The following MED9 variants were observed in gnomAD, a reference collection of about 807,000 sequenced individuals.
MED9 encodes the protein mediator of RNA polymerase II transcription subunit 9.
Under a neutral mutation model 13.2 loss-of-function variants are expected in MED9, and 8 were observed. The ratio of observed to expected loss-of-function variants is 0.61; its 90% CI spans 0.36 to 1.10. MED9 has a LOEUF of 1.10. Among genes scored for constraint, MED9 ranks in the 50% least tolerant of loss-of-function variants. The pLI, the probability that MED9 is intolerant of heterozygous loss-of-function variation, is 0.02. For missense variants in MED9, 180 were observed against 193.4 expected (o/e 0.93, Z 0.41); for synonymous variants, 87 against 82.8 (o/e 1.05, Z -0.28).
At chr17:17,479,867 A>G (rs1043341317) in intron 1 of MED9, among the ~76,000 whole-genome samples, 4 of 152,194 alleles carry the variant, frequency 2.6e-5, no homozygotes, top group African/African-American at 9.6e-5. Flanking sequence ...GTGGATGACC[A>G]GGGCTAATTC....
chr17:17,484,800 C>T (rs940407989), intron 1 of MED9, among the ~76,000 whole-genome samples: 1 of 152,210 alleles, frequency 6.6e-6, no homozygotes, highest in African/African-American at 2.4e-5. Flanking sequence ...GAGGCAAGCC[C>T]CACGAAGGCA....
rs1198072138 is a variant in MED9 at position 17,491,648 on chromosome 17, C to T, written c.*153C>T. On this transcript the variant is annotated 3_prime_UTR_variant, in exon 2 of 2. Transcript: ENST00000268711. ...CTCCTGTGCTGCTGCGCGCGCTTCG[C>T]CTGTGCGGGAGCCAGCGCAGAGCTT... 2.2e-5 allele frequency: 16 copies of T among 743,806 alleles called. No homozygotes were observed. Among genetic ancestry groups the T allele is most frequent in the East Asian group, 8.1e-5 (3 of 37,176 alleles). 46.1% of individuals were successfully genotyped at this position (743,806 alleles called of 1,614,324 possible).
rs1306303744 is a variant in MED9 at position 17,483,100 on chromosome 17, G to A, written c.224+5835G>A. On this transcript the variant is annotated intron_variant, in intron 1 of 1. Coordinates refer to ENST00000268711, the MANE Select transcript of MED9 (RefSeq NM_018019.3). This position sits in a 1 kb window ranked among gnomAD's most constrained non-coding sequence, Gnocchi z 4.2. Reference sequence around the variant, plus strand: ...GCTAGATCATGATGCTTTTGTTAATGGAACATTTCGTCTTTAATCTGCTTC... The same window carrying A: ...GCTAGATCATGATGCTTTTGTTAATAGAACATTTCGTCTTTAATCTGCTTC... 1.3e-5 allele frequency among the ~76,000 whole-genome samples: 2 copies of A among 152,206 alleles called. No homozygotes were observed. Among genetic ancestry groups the A allele is most frequent in the East Asian group, 3.9e-4 (2 of 5,188 alleles).
intron 1 of MED9, among the ~76,000 whole-genome samples, chr17:17,481,637 C>T (rs559206775): frequency 6.6e-6 from 1 of 152,264 alleles, no homozygotes; most frequent in East Asian, 1.9e-4. Flanking sequence ...AAAGATCTAC[C>T]TCATTAAGGC....
chr17:17,486,914 CA>C (rs1241462234), intron 1 of MED9: 1 of 149,498 alleles, frequency 6.7e-6, no homozygotes, highest in Non-Finnish European at 1.5e-5. Flanking sequence ...GTGAGTGCAC[CA>C]ATCTACACTC....
intron 1 of MED9, chr17:17,485,254 C>T (rs936163614): frequency 2.5e-6 from 1 of 397,536 alleles, no homozygotes; most frequent in Admixed American, 4.4e-5. Flanking sequence ...CACGCCACCA[C>T]GCCTTTGTAA....
At chr17:17,485,218 CAG>C (rs1371667695) in intron 1 of MED9, 2 of 392,648 alleles carry the variant, frequency 5.1e-6, no homozygotes, top group Non-Finnish European at 9.0e-6. Flanking sequence ...TTAGTAGAGA[CAG>C]GGTTTCGTCT....
At chr17:17,477,593 A>C in intron 1 of MED9, 1 of 284,726 alleles carries the variant, frequency 3.5e-6, no homozygotes, top group Non-Finnish European at 6.6e-6. Context: ...CTCACCTTTA[A>C]TGTTGGTAAT....
In MED9 at chr17:17,491,400, C is replaced by T; in HGVS notation, c.346C>T (p.Gln116Ter). Residue 116 changes from glutamine to a stop codon, truncating the protein, a stop_gained, in exon 2 of 2, where the codon CAG becomes TAG. Coordinates refer to ENST00000268711, the MANE Select transcript of MED9 (RefSeq NM_018019.3). LOFTEE classifies it high-confidence loss of function. ...GIHLSPEQQQ[Q>*]QLQSLREQVR... ...CCACCTGAGCCCCGAACAGCAGCAG[C>T]AGCAGCTGCAGAGCCTCCGGGAGCA... 1.9e-6 allele frequency: 3 copies of T among 1,614,090 alleles called. No homozygotes were observed. The highest frequency in any genetic ancestry group is 2.5e-6 in the Non-Finnish European group (3 of 1,180,040).
chr17:17,486,849 C>G (rs1905140760), intron 1 of MED9: 1 of 152,462 alleles, frequency 6.6e-6, no homozygotes, highest in African/African-American at 2.4e-5. Flanking sequence ...GTCTTTATGT[C>G]TAGCTCAGGG....
chr17:17,478,171 T>A (rs970636139), intron 1 of MED9, among the ~76,000 whole-genome samples: 2 of 152,188 alleles, frequency 1.3e-5, no homozygotes, highest in African/African-American at 4.8e-5. Context: ...AATTTTTGTA[T>A]TTTTTGTAGA....
chr17:17,478,857 CAAAA>C (rs56376204), intron 1 of MED9, among the ~76,000 whole-genome samples: 1 of 115,314 alleles, frequency 8.7e-6, no homozygotes, highest in Non-Finnish European at 1.8e-5. Context: ...GACTCTGCCT[CAAAA>C]AAAAAAAAAA....
chr17:17,481,577 G>C (rs539203139), intron 1 of MED9, among the ~76,000 whole-genome samples: 7 of 152,288 alleles, frequency 4.6e-5, no homozygotes, highest in Admixed American at 4.6e-4. Context: ...CGTCGTACTT[G>C]ACTTTTTTCA....
intron 1 of MED9, among the ~76,000 whole-genome samples, chr17:17,481,455 G>T (rs73292348): frequency 0.076 from 11,519 of 152,226 alleles, 887 homozygotes; most frequent in African/African-American, 0.2. Flanking sequence ...TGGAAAATGT[G>T]TTCCTTCCCC....
rs1178513433 is a variant in MED9 at position 17,493,035 on chromosome 17, C to G, written c.*1540C>G. 1 of 152,192 alleles carries G rather than the reference C, an allele frequency of 6.6e-6. No individual in the cohort carries two copies. Among genetic ancestry groups the G allele is most frequent in the Admixed American group, 6.5e-5 (1 of 15,282 alleles). The allele number at this position is 152,192 out of a possible 1,614,324, so 9.4% of individuals were successfully genotyped here. Reference sequence around the variant, plus strand: ...GGGTGGGCCTGTTTTAAGGCTCTGACAGATACCACGAAACATGAAGCACGT... The same window carrying G: ...GGGTGGGCCTGTTTTAAGGCTCTGAGAGATACCACGAAACATGAAGCACGT... On this transcript the variant is annotated 3_prime_UTR_variant, in exon 2 of 2. Coordinates refer to ENST00000268711, the MANE Select transcript of MED9 (RefSeq NM_018019.3).
At chr17:17,482,883 C>T (rs1432752207) in intron 1 of MED9, among the ~76,000 whole-genome samples, 1 of 152,192 alleles carries the variant, frequency 6.6e-6, no homozygotes, top group Non-Finnish European at 1.5e-5. Flanking sequence ...CTTTACCATG[C>T]ACTGAATTCC....
In MED9 at chr17:17,491,823, C is replaced by G. The variant is rs542651134; in HGVS notation, c.*328C>G. The G allele has an allele frequency of 6.8e-4, 252 of 369,872 alleles. 2 individuals carry two copies. The highest frequency in any genetic ancestry group is 5.0e-3 in the African/African-American group (241 of 48,098). 22.9% of individuals were successfully genotyped at this position (369,872 alleles called of 1,614,324 possible). On this transcript the variant is annotated 3_prime_UTR_variant, in exon 2 of 2. Coordinates refer to ENST00000268711, the MANE Select transcript of MED9 (RefSeq NM_018019.3). ...TGGGGAGGGGGCCATCTGCTGCGCC[C>G]GGCCCCACTGACAGATCTGAAGAGC... is the stretch of plus-strand genomic sequence containing the variant.
At chr17:17,485,326 C>G in intron 1 of MED9, 1 of 398,454 alleles carries the variant, frequency 2.5e-6, no homozygotes, top group East Asian at 3.6e-5. Context: ...CTCAAGTGAT[C>G]TGCTGACTTC....
intron 1 of MED9, among the ~76,000 whole-genome samples, chr17:17,489,896 C>T (rs535091848): frequency 3.3e-5 from 5 of 152,156 alleles, no homozygotes; most frequent in Admixed American, 6.5e-5. Flanking sequence ...ACTGATGGAT[C>T]GCCAGGAAAG....
Sources: allele counts gnomAD v4.1 joint callset (sites outside exome capture counted in the v4.1 genomes callset), GRCh38; gene constraint gnomAD v4.1.1; non-coding constraint Gnocchi (gnomAD v3.1); transcripts MANE v1.5; gene names NCBI Gene and HGNC (gene_info 2026-07-23, HGNC 2026-07-21).